FGF12: variants seen among roughly 807,000 people sequenced by gnomAD.
FGF12 encodes the protein fibroblast growth factor 12.
Under a neutral mutation model 23.6 loss-of-function variants are expected in FGF12, and 14 were observed. The ratio of observed to expected loss-of-function variants is 0.59; its 90% CI spans 0.39 to 0.93. FGF12 has a LOEUF of 0.93. Among genes scored for constraint, FGF12 ranks in the 40% least tolerant of loss-of-function variants. The probability of loss-of-function intolerance (pLI) is 0.00; values close to 1 mark genes in which losing one functional copy is unlikely to be tolerated. For missense variants in FGF12, 175 were observed against 217.8 expected (o/e 0.80, Z 1.24); for synonymous variants, 62 against 77.3 (o/e 0.80, Z 1.04).
At chr3:192,534,381 A>C (rs1252675971) in intron 2 of FGF12, among the ~76,000 whole-genome samples, 1 of 152,054 alleles carries the variant, frequency 6.6e-6, no homozygotes, top group African/African-American at 2.4e-5. Flanking sequence ...AAACAAAACC[A>C]GATGTAAGCT....
chr3:192,664,618 A>AAAAAAAAAAAAAAAAC (rs1560186861), intron 2 of FGF12, among the ~76,000 whole-genome samples: 1 of 148,654 alleles, frequency 6.7e-6, no homozygotes, highest in Non-Finnish European at 1.5e-5. Context: ...AAAAAAAAAA[A>AAAAAAAAAAAAAAAAC]AGCTGGGCAT....
intron 2 of FGF12, among the ~76,000 whole-genome samples, chr3:192,580,409 T>C (rs1280885504): frequency 2.6e-5 from 4 of 152,046 alleles, no homozygotes; most frequent in African/African-American, 4.8e-5. Flanking sequence ...TCCAACTCAA[T>C]AATTTTTTTA....
At chr3:192,398,355 A>G (rs1174524706) in intron 2 of FGF12, among the ~76,000 whole-genome samples, 2 of 150,206 alleles carry the variant, frequency 1.3e-5, no homozygotes, top group African/African-American at 4.9e-5. Context: ...ATAGCTTTTC[A>G]GGCTAAAGAG....
At chr3:192,390,251 T>C (rs1720234343) in intron 2 of FGF12, among the ~76,000 whole-genome samples, 2 of 152,214 alleles carry the variant, frequency 1.3e-5, no homozygotes, top group Non-Finnish European at 1.5e-5. Context: ...TTACTGCCTA[T>C]TGAAATTCTT....
chr3:192,353,197 A>G lies in FGF12; in HGVS notation c.124+7231T>C, dbSNP rs557251483. ...CAGATCAAAGACAACCTCAGTCCTCAGCTCTTTCTAGGAATACACTTGGTT... is the reference window on the plus strand; with the variant it reads ...CAGATCAAAGACAACCTCAGTCCTCGGCTCTTTCTAGGAATACACTTGGTT... On this transcript the variant is annotated intron_variant, in intron 3 of 5. Transcript: ENST00000445105. 3.5e-4 allele frequency among the ~76,000 whole-genome samples: 53 copies of G among 152,286 alleles called. No individual in the cohort carries two copies. In the South Asian group the frequency reaches 0.011, roughly 30 times the overall value.
In FGF12 at chr3:192,244,898, T is replaced by C. The variant is rs1719806904; in HGVS notation, c.229-74242A>G. 1.3e-5 allele frequency: 2 copies of C among 152,168 alleles called. 1 individual carries two copies. The highest frequency in any genetic ancestry group is 2.9e-5 in the Non-Finnish European group (2 of 68,030). 9.4% of individuals were successfully genotyped at this position (152,168 alleles called of 1,614,324 possible). ...GAGTCTGAGTTTCCTCTGGACCAAG[T>C]GGTTATCTTCTCTATACAGACTGGG... On this transcript the variant is annotated intron_variant, in intron 4 of 5. Coordinates refer to ENST00000445105, the MANE Select transcript of FGF12 (RefSeq NM_004113.6).
At chr3:192,393,120 A>G (rs1453782395) in intron 2 of FGF12, among the ~76,000 whole-genome samples, 1 of 152,108 alleles carries the variant, frequency 6.6e-6, no homozygotes, top group Non-Finnish European at 1.5e-5. Flanking sequence ...ATTTGCATTC[A>G]CCTTGTTTTG....
chr3:192,370,974 A>C (rs970052795), intron 2 of FGF12, among the ~76,000 whole-genome samples: 1 of 152,224 alleles, frequency 6.6e-6, no homozygotes, highest in African/African-American at 2.4e-5. Context: ...ATTCCCATGA[A>C]GCCAAATACC....
At chr3:192,536,754 G>A (rs576305459) in intron 2 of FGF12, among the ~76,000 whole-genome samples, 1 of 151,732 alleles carries the variant, frequency 6.6e-6, no homozygotes, top group East Asian at 1.9e-4. Context: ...ATCACATCAG[G>A]GTAAATGGGG....
rs143736750 is a variant in FGF12, at chr3:192,464,893, T to C, written c.14-104355A>G. 2.2e-3 allele frequency among the ~76,000 whole-genome samples: 332 copies of C among 152,260 alleles called. 1 individual carries two copies. Among genetic ancestry groups the C allele is most frequent in the African/African-American group, 7.5e-3 (310 of 41,534 alleles). On this transcript the variant is annotated intron_variant, in intron 2 of 5. Transcript: ENST00000445105. ...GTTAAGAAGAAAAATGCCCTAGAGC[T>C]GAATGAGCAAAGCTAAAGCATCAAG...
At chr3:192,343,126 A>T (rs1039734801) in intron 3 of FGF12, among the ~76,000 whole-genome samples, 1 of 152,178 alleles carries the variant, frequency 6.6e-6, no homozygotes, top group Non-Finnish European at 1.5e-5. Flanking sequence ...CTTGTAACGA[A>T]GAAAGGTATA....
chr3:192,652,445 T>G (rs71314403), intron 2 of FGF12, among the ~76,000 whole-genome samples: 1 of 152,178 alleles, frequency 6.6e-6, no homozygotes, highest in Admixed American at 6.5e-5. Context: ...CATCGTTTTG[T>G]TCAGAGAAAG....
chr3:192,324,069 G>A (rs1316241147), intron 4 of FGF12, among the ~76,000 whole-genome samples: 1 of 151,822 alleles, frequency 6.6e-6, no homozygotes, highest in African/African-American at 2.4e-5. Flanking sequence ...GCCAGCCTGG[G>A]CGACAGAGCG....
At chr3:192,553,732 A>G (rs1350404906) in intron 2 of FGF12, among the ~76,000 whole-genome samples, 1 of 152,018 alleles carries the variant, frequency 6.6e-6, no homozygotes, top group Non-Finnish European at 1.5e-5. Flanking sequence ...TCCGGAGAAA[A>G]CTCCCATTTC....
chr3:192,571,736 C>T (rs1166028090), intron 2 of FGF12, among the ~76,000 whole-genome samples: 2 of 152,162 alleles, frequency 1.3e-5, no homozygotes, highest in Admixed American at 6.5e-5. Flanking sequence ...AGCAGCAACG[C>T]GAGCAACTTC....
intron 2 of FGF12, among the ~76,000 whole-genome samples, chr3:192,540,014 T>A (rs1725326109): frequency 6.6e-6 from 1 of 152,016 alleles, no homozygotes; most frequent in African/African-American, 2.4e-5. Context: ...TCACCTCTGA[T>A]TTTTTTGGGG....
At chr3:192,518,516 A>G (rs1175675443) in intron 2 of FGF12, among the ~76,000 whole-genome samples, 4 of 152,192 alleles carry the variant, frequency 2.6e-5, no homozygotes, top group Non-Finnish European at 4.4e-5. Context: ...ATTAATCAGT[A>G]TATTTATCTG....
intron 2 of FGF12, among the ~76,000 whole-genome samples, chr3:192,442,140 G>C (rs1722218911): frequency 1.3e-5 from 2 of 152,206 alleles, no homozygotes; most frequent in Non-Finnish European, 2.9e-5. Flanking sequence ...TAAACTGCCA[G>C]AGGTGAATGA....
chr3:192,624,771 T>A (rs1715103405), intron 2 of FGF12, among the ~76,000 whole-genome samples: 1 of 152,138 alleles, frequency 6.6e-6, no homozygotes, highest in Non-Finnish European at 1.5e-5. Context: ...TTTTTGTGAT[T>A]AGGTAGCATA....
Sources: allele counts gnomAD v4.1 joint callset (sites outside exome capture counted in the v4.1 genomes callset), GRCh38; gene constraint gnomAD v4.1.1; transcripts MANE v1.5; gene names NCBI Gene and HGNC (gene_info 2026-07-23, HGNC 2026-07-21).